PPP1R9A: variants seen among roughly 807,000 people sequenced by gnomAD.
PPP1R9A encodes neurabin-1.
In PPP1R9A, 59 loss-of-function variants were observed where a neutral mutation model predicts 141.9. The observed-to-expected ratio is 0.42, with a 90% CI of 0.34 to 0.52. The LOEUF (loss-of-function observed/expected upper bound fraction) is 0.52, where lower values mean the gene tolerates loss of function less well. Among genes scored for constraint, PPP1R9A ranks in the 20% least tolerant of loss-of-function variants. The probability of loss-of-function intolerance (pLI) is 0.10; values close to 1 mark genes in which losing one functional copy is unlikely to be tolerated. For synonymous variants in PPP1R9A, 500 were observed against 569.7 expected, an observed-to-expected ratio of 0.88 and a Z score of 1.74; for missense variants, 1,444 against 1,611.9, an observed-to-expected ratio of 0.90 and a Z score of 1.78.
At chr7:94,942,834 TAAA>T (rs2150961111) in intron 2 of PPP1R9A, among the ~76,000 whole-genome samples, 1 of 150,848 alleles carries the variant, frequency 6.6e-6, no homozygotes, top group African/African-American at 2.4e-5. Flanking sequence ...AATAAATAAA[TAAA>T]TAAATAAATA....
chr7:95,226,386 T>C (rs1795145258), intron 8 of PPP1R9A, among the ~76,000 whole-genome samples: 1 of 152,212 alleles, frequency 6.6e-6, no homozygotes, highest in African/African-American at 2.4e-5. Context: ...GTTTAAGTTA[T>C]ATTTTTTCAG....
intron 2 of PPP1R9A, among the ~76,000 whole-genome samples, chr7:94,971,092 A>C (rs992428032): frequency 1.3e-5 from 2 of 152,084 alleles, no homozygotes; most frequent in Non-Finnish European, 2.9e-5. Flanking sequence ...AGTAGGAGAG[A>C]GGGGAAAGGG....
chr7:95,251,317 A>C (rs926855304), intron 10 of PPP1R9A, among the ~76,000 whole-genome samples: 6 of 152,038 alleles, frequency 3.9e-5, no homozygotes, highest in African/African-American at 1.4e-4. Flanking sequence ...TTTCTGACCC[A>C]CCCAGCCCCC....
At chr7:95,249,928 A>G (rs904198067) in intron 9 of PPP1R9A, 98 bp from the exon 10 acceptor site, 2 of 1,427,962 alleles carry the variant, frequency 1.4e-6, no homozygotes, top group Non-Finnish European at 1.8e-6. Context: ...GTGATTGTTT[A>G]TGATAATAGA....
At chr7:94,987,163 AG>A (rs1432151781) in intron 2 of PPP1R9A, among the ~76,000 whole-genome samples, 2 of 152,238 alleles carry the variant, frequency 1.3e-5, no homozygotes, top group Non-Finnish European at 2.9e-5. Context: ...TTGACAAAGT[AG>A]GGAATATTTG....
chr7:95,024,290 G>C (rs1035970455), intron 2 of PPP1R9A, among the ~76,000 whole-genome samples: 11 of 152,064 alleles, frequency 7.2e-5, no homozygotes, highest in Non-Finnish European at 1.3e-4. Context: ...TGTCTGTTAG[G>C]TCACTTGGAC....
chr7:95,086,299 A>G lies in PPP1R9A; in HGVS notation c.1396-24960A>G, dbSNP rs114303717. Among the ~76,000 whole-genome samples the G allele has an allele frequency of 4.1e-3, 624 of 152,134 alleles. 16 individuals are homozygous for G. Among genetic ancestry groups the G allele is most frequent in the African/African-American group, 0.014 (592 of 41,418 alleles). ...TTTAGTTTAGGATTTTTATGTCTTA[A>G]CACATATTTTATAGGTAGTTTAAAT... On this transcript the variant is annotated intron_variant, in intron 2 of 19. Coordinates refer to ENST00000433360, the MANE Select transcript of PPP1R9A (RefSeq NM_001166160.2).
At chr7:95,120,199 C>T (rs1457348983) in intron 3 of PPP1R9A, among the ~76,000 whole-genome samples, 1 of 152,102 alleles carries the variant, frequency 6.6e-6, no homozygotes, top group Admixed American at 6.6e-5. Context: ...TCAAGCCATC[C>T]ACCTGCCTCA....
At chr7:95,024,955 C>T (rs1485467979) in intron 2 of PPP1R9A, among the ~76,000 whole-genome samples, 1 of 151,994 alleles carries the variant, frequency 6.6e-6, no homozygotes, top group Non-Finnish European at 1.5e-5. Flanking sequence ...TTCAGGAGCT[C>T]TTGTAAGGCA....
chr7:94,982,911 G>A (rs1370056252), intron 2 of PPP1R9A, among the ~76,000 whole-genome samples: 1 of 151,944 alleles, frequency 6.6e-6, no homozygotes, highest in African/African-American at 2.4e-5. Flanking sequence ...GTCCTGAATG[G>A]GTATTGCCTA....
At chr7:95,037,950 T>TA (rs11438513) in intron 2 of PPP1R9A, among the ~76,000 whole-genome samples, 77,416 of 139,932 alleles carry the variant, frequency 0.55, 21,009 homozygotes, top group Admixed American at 0.61. Context: ...CAAAATAATT[T>TA]AAAAAAAAAA....
intron 2 of PPP1R9A, among the ~76,000 whole-genome samples, chr7:95,052,795 A>G (rs747153795): frequency 6.6e-6 from 1 of 152,172 alleles, no homozygotes; most frequent in Non-Finnish European, 1.5e-5. Context: ...TAGGACAGCA[A>G]TCTTGAAGTC....
At chr7:95,268,781 T>C in intron 13 of PPP1R9A, 74 bp downstream of exon 13, 3 of 1,532,114 alleles carry the variant, frequency 2.0e-6, no homozygotes, top group Admixed American at 2.0e-5. Context: ...TTGAAGATTA[T>C]GATTTTTCTG....
intron 2 of PPP1R9A, among the ~76,000 whole-genome samples, chr7:94,912,024 G>A (rs1197224706): frequency 2.0e-5 from 3 of 152,050 alleles, no homozygotes; most frequent in Non-Finnish European, 4.4e-5. Context: ...AACTTTTTTT[G>A]GGGGGTACTG....
Position 95,014,412 on chromosome 7 carries a change from C to T in PPP1R9A, c.1396-96847C>T, listed in dbSNP as rs1804825545. Reference sequence around the variant, plus strand: ...CTGCTCTTTCCTCATGATTAGCTTTCAATTTATGCAGTCTTGGCAGGAATA... The same window carrying T: ...CTGCTCTTTCCTCATGATTAGCTTTTAATTTATGCAGTCTTGGCAGGAATA... On this transcript the variant is annotated intron_variant, in intron 2 of 19. Transcript: ENST00000433360. Among the ~76,000 whole-genome samples the T allele has an allele frequency of 1.3e-5, 2 of 151,968 alleles. 1 individual carries two copies. The highest frequency in any genetic ancestry group is 1.3e-4 in the Admixed American group (2 of 15,224).
rs548336550 is a variant in PPP1R9A at position 95,072,609 on chromosome 7, T to A, written c.1396-38650T>A. Among the ~76,000 whole-genome samples, 1,042 of 130,840 alleles carry A rather than the reference T, an allele frequency of 8.0e-3. 17 individuals are homozygous for A. Among genetic ancestry groups the A allele is most frequent in the African/African-American group, 0.029 (1,005 of 34,812 alleles). 85.8% of individuals were successfully genotyped at this position (130,840 alleles called of 152,430 possible). A position where few individuals can be genotyped will look rare whatever the true frequency, so the allele number is the denominator to read the frequency against. ...AATTTTAAGTATATTAGTGATTTTT[T>A]AAAAAATGTAAAATTTTGAAATTTT... On this transcript the variant is annotated intron_variant, in intron 2 of 19. Transcript: ENST00000433360.
intron 3 of PPP1R9A, among the ~76,000 whole-genome samples, chr7:95,115,673 C>T (rs1336066212): frequency 6.6e-6 from 1 of 151,998 alleles, no homozygotes; most frequent in East Asian, 1.9e-4. Flanking sequence ...AATCCCAGCA[C>T]TTTGGGAGGC....
intron 16 of PPP1R9A, among the ~76,000 whole-genome samples, chr7:95,280,995 T>A (rs1315558860): frequency 6.6e-6 from 1 of 152,214 alleles, no homozygotes; most frequent in African/African-American, 2.4e-5. Context: ...GTTCAATTTA[T>A]TCAGAAGGAA....
intron 5 of PPP1R9A, among the ~76,000 whole-genome samples, chr7:95,166,680 T>C (rs1831316909): frequency 6.6e-6 from 1 of 152,158 alleles, no homozygotes; most frequent in Non-Finnish European, 1.5e-5. Flanking sequence ...AGCATTACCC[T>C]GATACCAAAA....
Sources: allele counts gnomAD v4.1 joint callset (sites outside exome capture counted in the v4.1 genomes callset), GRCh38; gene constraint gnomAD v4.1.1; transcripts MANE v1.5; gene names NCBI Gene and HGNC (gene_info 2026-07-23, HGNC 2026-07-21).